The following MAMDC2 variants were observed in gnomAD, a reference collection of about 807,000 sequenced individuals.
The protein encoded by MAMDC2 is MAM domain-containing protein 2.
Under a neutral mutation model 89.8 loss-of-function variants are expected in MAMDC2, and 57 were observed. The observed-to-expected ratio is 0.63, with a 90% CI of 0.51 to 0.79. The LOEUF is 0.79. Ranked by LOEUF, MAMDC2 falls within the 30% of genes least tolerant of loss-of-function variation. The pLI is 0.00. For missense variants in MAMDC2, 800 were observed against 820.6 expected (o/e 0.97, Z 0.31); for synonymous variants, 313 against 293.4 (o/e 1.07, Z -0.68).
intron 2 of MAMDC2, among the ~76,000 whole-genome samples, chr9:70,049,547 A>G (rs535548413): frequency 2.0e-5 from 3 of 152,260 alleles, no homozygotes; most frequent in Admixed American, 2.0e-4. Flanking sequence ...CTGGCATCAC[A>G]AAGTTCATAA....
At position 70,217,386 on chromosome 9, in the gene MAMDC2, G is replaced by A. The variant is rs560017045; in HGVS notation, c.1652-951G>A. ...GAAGGAAGCACAAAAAGGGAGAGTCGGAAGAAATTCAAAAGAAAAGAACCC... is the reference window on the plus strand; with the variant it reads ...GAAGGAAGCACAAAAAGGGAGAGTCAGAAGAAATTCAAAAGAAAAGAACCC... On this transcript the variant is annotated intron_variant, in intron 11 of 13. Transcript: ENST00000377182. 459 of 1,332,482 alleles carry A rather than the reference G, an allele frequency of 3.4e-4. 1 individual carries two copies. Among genetic ancestry groups the A allele is most frequent in the Non-Finnish European group, 4.8e-4 (442 of 924,156 alleles). 82.5% of individuals were successfully genotyped at this position (1,332,482 alleles called of 1,614,324 possible).
intron 11 of MAMDC2, among the ~76,000 whole-genome samples, chr9:70,182,330 T>C (rs1038076046): frequency 6.6e-6 from 1 of 152,148 alleles, no homozygotes; most frequent in Non-Finnish European, 1.5e-5. Flanking sequence ...TTTTGTTGTG[T>C]CTCTGCCAGG....
chr9:70,099,573 AT>A (rs1213935898), intron 2 of MAMDC2, among the ~76,000 whole-genome samples: 4 of 152,164 alleles, frequency 2.6e-5, no homozygotes, highest in Non-Finnish European at 5.9e-5. Flanking sequence ...GATGACTGTC[AT>A]AGCATAAAAA....
chr9:70,079,537 C>T (rs1007506866), intron 2 of MAMDC2, among the ~76,000 whole-genome samples: 2 of 152,070 alleles, frequency 1.3e-5, no homozygotes, highest in Non-Finnish European at 2.9e-5. Context: ...TGTGGGTGGT[C>T]TGCTGGGGGG....
At chr9:70,152,688 T>C (rs1424770651) in intron 9 of MAMDC2, among the ~76,000 whole-genome samples, 2 of 152,132 alleles carry the variant, frequency 1.3e-5, no homozygotes, top group Non-Finnish European at 2.9e-5. Flanking sequence ...AACCTTCTGG[T>C]GTTCTAGTTT....
chr9:70,187,183 A>C (rs753765026), intron 11 of MAMDC2, among the ~76,000 whole-genome samples: 1 of 152,050 alleles, frequency 6.6e-6, no homozygotes, highest in Non-Finnish European at 1.5e-5. Context: ...CCCCTGCCTA[A>C]CTGTCTCTCC....
chr9:70,217,265 C>A, intron 11 of MAMDC2: 1 of 1,065,748 alleles, frequency 9.4e-7, no homozygotes, highest in Non-Finnish European at 1.5e-6. Context: ...TACGCCAGGA[C>A]CGACGGGAAG....
chr9:70,165,209 C>T (rs556406338), intron 9 of MAMDC2, among the ~76,000 whole-genome samples: 2 of 152,244 alleles, frequency 1.3e-5, no homozygotes, highest in East Asian at 3.9e-4. Context: ...AAGAACAGGA[C>T]AAGATGTTTG....
At chr9:70,175,036 A>C (rs1054493242) in intron 11 of MAMDC2, among the ~76,000 whole-genome samples, 1 of 151,978 alleles carries the variant, frequency 6.6e-6, no homozygotes, top group Non-Finnish European at 1.5e-5. Flanking sequence ...AGGACTTTGG[A>C]TTTTACTTTA....
At chr9:70,168,545 C>T (rs2032236458) in intron 9 of MAMDC2, 157 bp from the exon 10 acceptor site, 2 of 589,500 alleles carry the variant, frequency 3.4e-6, no homozygotes, top group African/African-American at 1.9e-5. Flanking sequence ...AGATGGTAAC[C>T]ATTCTTCTTC....
chr9:70,058,637 G>A (rs1209533558), intron 2 of MAMDC2, among the ~76,000 whole-genome samples: 1 of 151,522 alleles, frequency 6.6e-6, no homozygotes, highest in Non-Finnish European at 1.5e-5. Context: ...GCTATATTTT[G>A]TAACAGATTT....
chr9:70,159,826 G>A (rs563273068), intron 9 of MAMDC2, among the ~76,000 whole-genome samples: 3 of 152,292 alleles, frequency 2.0e-5, no homozygotes, highest in East Asian at 3.9e-4. Context: ...AACTCCCTAT[G>A]GGAGGTGGGC....
chr9:70,120,100 C>T (rs1043193987), intron 5 of MAMDC2, among the ~76,000 whole-genome samples: 2 of 152,196 alleles, frequency 1.3e-5, no homozygotes, highest in Admixed American at 6.5e-5. Flanking sequence ...TTTTAAGGTA[C>T]TGTAGCCCAG....
chr9:70,140,856 A>G (rs1383638572), intron 8 of MAMDC2, among the ~76,000 whole-genome samples: 1 of 152,240 alleles, frequency 6.6e-6, no homozygotes, highest in Non-Finnish European at 1.5e-5. Flanking sequence ...CTATTAAAAA[A>G]TGTTGAGTGG....
chr9:70,222,856 TG>T, intron 12 of MAMDC2, among the ~76,000 whole-genome samples: 1 of 152,266 alleles, frequency 6.6e-6, no homozygotes. Context: ...AGACTCAGGT[TG>T]GCAGGGTGCG....
chr9:70,207,411 A>G (rs10122880), intron 11 of MAMDC2, among the ~76,000 whole-genome samples: 152,229 of 152,352 alleles, frequency 1, 76,053 homozygotes, highest in Middle Eastern at 1. Flanking sequence ...GTGTCTGTTG[A>G]CTGCATAAAT....
chr9:70,209,421 G>A (rs2033302671), intron 11 of MAMDC2, among the ~76,000 whole-genome samples: 1 of 152,122 alleles, frequency 6.6e-6, no homozygotes, highest in African/African-American at 2.4e-5. Flanking sequence ...TTTTCATAGA[G>A]GTGTTTATAG....
intron 2 of MAMDC2, among the ~76,000 whole-genome samples, chr9:70,096,922 C>T (rs1457642403): frequency 6.6e-6 from 1 of 152,148 alleles, no homozygotes; most frequent in East Asian, 1.9e-4. Flanking sequence ...AGGGCCACCT[C>T]TAAGGTGAAA....
At position 70,105,024 on chromosome 9, in the gene MAMDC2, G is replaced by C. The variant is rs186848993; in HGVS notation, c.149-3187G>C. ...TTTTTTTACACCCAAAGAAAACTTC[G>C]TTAATTCACTCGGTGGTAAAATGAT... On this transcript the variant is annotated intron_variant, in intron 2 of 13. Coordinates refer to ENST00000377182, the MANE Select transcript of MAMDC2 (RefSeq NM_153267.5). Among the ~76,000 whole-genome samples, 306 of 152,084 alleles carry C rather than the reference G, an allele frequency of 2.0e-3. 3 individuals are homozygous for C. Among genetic ancestry groups the C allele is most frequent in the African/African-American group, 7.0e-3 (292 of 41,482 alleles).
Sources: allele counts gnomAD v4.1 joint callset (sites outside exome capture counted in the v4.1 genomes callset), GRCh38; gene constraint gnomAD v4.1.1; transcripts MANE v1.5; gene names NCBI Gene and HGNC (gene_info 2026-07-23, HGNC 2026-07-21).